The following CCDC170 variants were observed in gnomAD, a reference collection of about 807,000 sequenced individuals.
The protein encoded by CCDC170 is coiled-coil domain containing 170.
In CCDC170, 69 loss-of-function variants were observed where a neutral mutation model predicts 72.6. The ratio of observed to expected loss-of-function variants is 0.95; its 90% CI spans 0.78 to 1.16. The LOEUF is 1.16. Ranked by LOEUF, CCDC170 falls within the 50% of genes most tolerant of loss-of-function variation. The pLI, the probability that CCDC170 is intolerant of heterozygous loss-of-function variation, is 0.00. For missense variants in CCDC170, 852 were observed against 832.5 expected, an observed-to-expected ratio of 1.02 and a Z score of -0.29; for synonymous variants, 300 against 303.9, an observed-to-expected ratio of 0.99 and a Z score of 0.13.
intron 5 of CCDC170, among the ~76,000 whole-genome samples, chr6:151,554,279 A>G (rs1489483221): frequency 6.6e-6 from 1 of 152,234 alleles, no homozygotes; most frequent in Non-Finnish European, 1.5e-5. Flanking sequence ...GTTAAAATCA[A>G]TGAGATCAGA....
At chr6:151,577,812 C>A (rs1304582862) in intron 6 of CCDC170, among the ~76,000 whole-genome samples, 1 of 152,194 alleles carries the variant, frequency 6.6e-6, no homozygotes, top group Non-Finnish European at 1.5e-5. Context: ...GGAACGTGAA[C>A]GCTATTGCGA....
intron 9 of CCDC170, among the ~76,000 whole-genome samples, chr6:151,602,303 T>C (rs1776721476): frequency 6.6e-6 from 1 of 152,224 alleles, no homozygotes; most frequent in African/African-American, 2.4e-5. Flanking sequence ...AAAATAATTT[T>C]ATTATATTTA....
intron 2 of CCDC170, among the ~76,000 whole-genome samples, chr6:151,536,926 C>T (rs994216064): frequency 5.3e-5 from 8 of 151,958 alleles, no homozygotes; most frequent in Non-Finnish European, 1.2e-4. Context: ...AAAAGTTATG[C>T]ATTTGCCAGA....
In CCDC170 at chr6:151,588,069, G is replaced by C. The variant is rs535270984; in HGVS notation, c.1293+1980G>C. 5.1e-4 allele frequency among the ~76,000 whole-genome samples: 77 copies of C among 152,292 alleles called. 2 individuals are homozygous for C. Among genetic ancestry groups the C allele is most frequent in the Admixed American group, 3.4e-3 (52 of 15,298 alleles). ...AAACCAAAGGTGTGAGATGGCACTG[G>C]AGGCAGCTATAGGAATGATCGAGAT... On this transcript the variant is annotated intron_variant, in intron 7 of 10. Coordinates refer to ENST00000239374, the MANE Select transcript of CCDC170 (RefSeq NM_025059.4).
intron 1 of CCDC170, among the ~76,000 whole-genome samples, chr6:151,502,167 G>T (rs1782002665): frequency 6.6e-6 from 1 of 152,142 alleles, no homozygotes; most frequent in Admixed American, 6.5e-5. Flanking sequence ...AGCAACTCAG[G>T]ATACTGAGAC....
At chr6:151,567,780 C>A (rs886925712) in intron 5 of CCDC170, among the ~76,000 whole-genome samples, 2 of 152,026 alleles carry the variant, frequency 1.3e-5, no homozygotes, top group African/African-American at 2.4e-5. Flanking sequence ...CCACACAAGT[C>A]TAACAAAGAG....
intron 1 of CCDC170, 43 bp downstream of exon 1, chr6:151,494,228 G>GA: frequency 6.8e-7 from 1 of 1,474,972 alleles, no homozygotes; most frequent in African/African-American, 1.5e-5. Context: ...TGGCCCTGGG[G>GA]ATAGACGACC....
chr6:151,547,705 C>T (rs1448186864), intron 4 of CCDC170, among the ~76,000 whole-genome samples: 1 of 152,174 alleles, frequency 6.6e-6, no homozygotes, highest in African/African-American at 2.4e-5. Context: ...GGCTCGTTCC[C>T]TGAGGTCAAG....
intron 1 of CCDC170, among the ~76,000 whole-genome samples, chr6:151,503,780 G>C (rs1289772611): frequency 6.6e-6 from 1 of 152,126 alleles, no homozygotes; most frequent in East Asian, 1.9e-4. Context: ...GCAGTTTGTG[G>C]AATGTTCCTC....
chr6:151,616,393 A>G (rs868523244), intron 10 of CCDC170, among the ~76,000 whole-genome samples: 1 of 152,134 alleles, frequency 6.6e-6, no homozygotes. Flanking sequence ...CTTGACCTCC[A>G]TTGCTTTTGG....
intron 7 of CCDC170, among the ~76,000 whole-genome samples, chr6:151,592,503 T>C (rs888793830): frequency 6.6e-6 from 1 of 152,132 alleles, no homozygotes; most frequent in African/African-American, 2.4e-5. Context: ...AGGGATGTCT[T>C]ACATGGTGGC....
At chr6:151,496,348 A>AT (rs112968625) in intron 1 of CCDC170, among the ~76,000 whole-genome samples, 21,720 of 152,160 alleles carry the variant, frequency 0.14, 1,735 homozygotes, top group African/African-American at 0.21. Flanking sequence ...TCGGATAGAA[A>AT]TTTTTAGCAT....
Position 151,586,027 on chromosome 6 carries a change from C to G in CCDC170, c.1231C>G (p.Leu411Val), listed in dbSNP as rs1468012456. 1 of 1,614,182 alleles carries G rather than the reference C, an allele frequency of 6.2e-7. No individual in the cohort carries two copies. Among genetic ancestry groups the G allele is most frequent in the Non-Finnish European group, 8.5e-7 (1 of 1,180,022 alleles). The change falls in exon 7 of 11, where the codon CTG becomes GTG. Residue 411 changes from leucine to valine, a missense_variant. Physicochemically the swap from Leu to Val is conservative, Grantham distance 32. Coordinates refer to ENST00000239374, the MANE Select transcript of CCDC170 (RefSeq NM_025059.4). ...GACTCTTCAGGGTCAGCTGACACAC[C>G]TGGAGGCAGAGCTGGTTTCTGGAGG... ...LETLQGQLTH[L>V]EAELVSGGVL...
intron 3 of CCDC170, among the ~76,000 whole-genome samples, chr6:151,540,206 T>C (rs994949608): frequency 7.2e-5 from 11 of 151,918 alleles, no homozygotes; most frequent in Admixed American, 1.3e-4. Context: ...AAGATCAAGA[T>C]GTTGGCCTAT....
At position 151,619,876 on chromosome 6, in the gene CCDC170, C is replaced by A. The variant is rs1455958459; in HGVS notation, c.*1729C>A. The stretch of plus-strand genomic sequence containing the variant: ...TAATAAGCAAATTATTGGCTTCTTT[C>A]TTCTAGACTAAAAGAAATTAAAGAG... On this transcript the variant is annotated 3_prime_UTR_variant, in exon 11 of 11. Transcript: ENST00000239374. The A allele has an allele frequency of 6.6e-6, 1 of 152,066 alleles. No individual in the cohort carries two copies. Among genetic ancestry groups the A allele is most frequent in the East Asian group, 1.9e-4 (1 of 5,206 alleles). 9.4% of individuals were successfully genotyped at this position (152,066 alleles called of 1,614,324 possible). A position where few individuals can be genotyped will look rare whatever the true frequency, so the allele number is the denominator to read the frequency against.
intron 1 of CCDC170, among the ~76,000 whole-genome samples, chr6:151,497,311 G>C (rs1391458133): frequency 6.6e-6 from 1 of 152,032 alleles, no homozygotes; most frequent in African/African-American, 2.4e-5. Context: ...AGCCCAGGAA[G>C]TTGAGGCTGT....
intron 6 of CCDC170, among the ~76,000 whole-genome samples, chr6:151,575,525 CTT>C (rs869185539): frequency 5.0e-5 from 4 of 79,664 alleles, no homozygotes; most frequent in Admixed American, 2.2e-4. Context: ...TCTTTTCTTT[CTT>C]TTTTTTTTTT....
chr6:151,598,720 T>C (rs187563924), intron 9 of CCDC170, among the ~76,000 whole-genome samples: 10 of 152,304 alleles, frequency 6.6e-5, no homozygotes, highest in African/African-American at 2.2e-4. Flanking sequence ...CCCCTAAAGA[T>C]GGCATTGTAT....
At chr6:151,558,232 GTTTT>G (rs55648936) in intron 5 of CCDC170, among the ~76,000 whole-genome samples, 2 of 70,872 alleles carry the variant, frequency 2.8e-5, no homozygotes, top group Non-Finnish European at 5.2e-5. Flanking sequence ...TGAGATTAGT[GTTTT>G]TTTTTTTTTT....
Sources: gnomAD v4.1 joint callset for allele counts (sites outside exome capture counted in the v4.1 genomes callset) on GRCh38, gnomAD v4.1.1 for gene constraint, MANE v1.5 for transcripts, NCBI Gene and HGNC (gene_info 2026-07-23, HGNC 2026-07-21) for gene names.